CCSER1: variants seen among roughly 807,000 people sequenced by gnomAD.
CCSER1 encodes the protein coiled-coil serine rich protein 1.
In CCSER1, 41 loss-of-function variants were observed where a neutral mutation model predicts 82.0. That is an observed-to-expected ratio of 0.50 (90% CI 0.39 to 0.65). CCSER1 has a LOEUF of 0.65. Among genes scored for constraint, CCSER1 ranks in the 30% least tolerant of loss-of-function variants. The probability of loss-of-function intolerance (pLI) is 0.00; values close to 1 mark genes in which losing one functional copy is unlikely to be tolerated. For synonymous variants in CCSER1, 414 were observed against 383.9 expected (o/e 1.08, Z -0.92); for missense variants, 1,119 against 1,064.2 (o/e 1.05, Z -0.72).
intron 9 of CCSER1, among the ~76,000 whole-genome samples, chr4:91,078,472 G>C (rs1303453771): frequency 1.3e-5 from 2 of 152,194 alleles, no homozygotes; most frequent in Non-Finnish European, 2.9e-5. Flanking sequence ...CAAAGATGTG[G>C]AGAAACCAGA....
chr4:90,707,994 A>G (rs530981837), intron 6 of CCSER1, among the ~76,000 whole-genome samples: 242 of 152,284 alleles, frequency 1.6e-3, no homozygotes, highest in African/African-American at 4.1e-3. Flanking sequence ...CTTTCATTTC[A>G]GTGCTCTATC....
At chr4:90,708,517 T>A (rs566615966) in intron 6 of CCSER1, among the ~76,000 whole-genome samples, 168 of 152,312 alleles carry the variant, frequency 1.1e-3, no homozygotes, top group African/African-American at 4.0e-3. Context: ...GAATAAGTGT[T>A]CCTACCCATC....
intron 6 of CCSER1, among the ~76,000 whole-genome samples, chr4:90,632,702 C>G (rs1489817217): frequency 6.6e-6 from 1 of 152,060 alleles, no homozygotes; most frequent in Non-Finnish European, 1.5e-5. Flanking sequence ...TGGAAAAGCA[C>G]TGGGTTAGGA....
At chr4:91,006,978 T>A (rs1169542476) in intron 9 of CCSER1, among the ~76,000 whole-genome samples, 3 of 152,174 alleles carry the variant, frequency 2.0e-5, no homozygotes, top group Non-Finnish European at 4.4e-5. Context: ...TGAGAGTTTT[T>A]ATCATGAGAA....
chr4:90,287,982 G>A (rs755217781), intron 1 of CCSER1, among the ~76,000 whole-genome samples: 4 of 151,550 alleles, frequency 2.6e-5, no homozygotes, highest in Non-Finnish European at 5.9e-5. Context: ...AAAACCCTGG[G>A]CATTTTTTTA....
At chr4:91,169,391 C>T (rs377348235) in intron 10 of CCSER1, among the ~76,000 whole-genome samples, 25 of 152,130 alleles carry the variant, frequency 1.6e-4, no homozygotes, top group African/African-American at 5.3e-4. Flanking sequence ...GAGGCCGAGG[C>T]GGGTGGATCA....
At chr4:91,217,378 TC>T (rs934546702) in intron 10 of CCSER1, among the ~76,000 whole-genome samples, 27 of 152,210 alleles carry the variant, frequency 1.8e-4, no homozygotes, top group African/African-American at 6.3e-4. Context: ...ATACAAAGGT[TC>T]TCCACCTCCC....
intron 4 of CCSER1, among the ~76,000 whole-genome samples, chr4:90,460,324 CAAAAAA>C (rs751331396): frequency 3.1e-5 from 1 of 32,658 alleles, no homozygotes; most frequent in Non-Finnish European, 5.8e-5. Flanking sequence ...AACTCCGTCT[CAAAAAA>C]AAAAAAAAAA....
chr4:90,497,905 G>C (rs568679935), intron 5 of CCSER1, among the ~76,000 whole-genome samples: 1 of 152,096 alleles, frequency 6.6e-6, no homozygotes, highest in East Asian at 1.9e-4. Flanking sequence ...TCTCATGAGG[G>C]AGTGCAGGAG....
chr4:91,217,716 GT>G, intron 10 of CCSER1, among the ~76,000 whole-genome samples: 1 of 151,966 alleles, frequency 6.6e-6, no homozygotes, highest in Admixed American at 6.5e-5. Flanking sequence ...GCCGATTGGT[GT>G]ATTTACAATC....
chr4:91,392,363 G>GCACACACGCACACACACA (rs58770768), intron 10 of CCSER1, among the ~76,000 whole-genome samples: 1,789 of 148,170 alleles, frequency 0.012, 27 homozygotes, highest in Middle Eastern at 0.024. Context: ...ACCTACACAT[G>GCACACACGCACACACACA]CACACACACA....
chr4:91,314,783 G>T (rs1185868039), intron 10 of CCSER1, among the ~76,000 whole-genome samples: 1 of 151,922 alleles, frequency 6.6e-6, no homozygotes, highest in Non-Finnish European at 1.5e-5. Context: ...GATATCCATT[G>T]TAGGAGCAAT....
Position 90,913,914 on chromosome 4 carries a change from T to G in CCSER1, c.2095-9456T>G, listed in dbSNP as rs190299035. 8.8e-4 allele frequency among the ~76,000 whole-genome samples: 134 copies of G among 152,136 alleles called. 1 individual carries two copies. The highest frequency in any genetic ancestry group is 6.8e-3 in the Middle Eastern group (2 of 294). ...GACAAAGAAGGCCATTACATAATGG[T>G]AAAGGGATCAATTCAACAAGAAGAA... On this transcript the variant is annotated intron_variant, in intron 8 of 10. Transcript: ENST00000509176.
intron 6 of CCSER1, among the ~76,000 whole-genome samples, chr4:90,713,234 G>T: frequency 6.6e-6 from 1 of 151,994 alleles, no homozygotes; most frequent in East Asian, 1.9e-4. Context: ...TAGCTTCTTA[G>T]TGTCACTGGT....
chr4:90,141,896 C>T (rs1252879328), intron 1 of CCSER1, among the ~76,000 whole-genome samples: 1 of 152,168 alleles, frequency 6.6e-6, no homozygotes, highest in African/African-American at 2.4e-5. Flanking sequence ...GTTGACTATG[C>T]ATACATTTAT....
intron 10 of CCSER1, among the ~76,000 whole-genome samples, chr4:91,428,437 T>C (rs1037811516): frequency 1.5e-4 from 23 of 152,140 alleles, no homozygotes; most frequent in African/African-American, 5.3e-4. Context: ...TGCCTTGCTT[T>C]TGGAAAATAA....
chr4:90,215,009 GA>G (rs1740768226), intron 1 of CCSER1, among the ~76,000 whole-genome samples: 1 of 152,152 alleles, frequency 6.6e-6, no homozygotes, highest in African/African-American at 2.4e-5. Flanking sequence ...AGATGAGTAT[GA>G]ATTCTAACAG....
chr4:90,599,487 A>G (rs1579384222), intron 5 of CCSER1, among the ~76,000 whole-genome samples: 1 of 152,182 alleles, frequency 6.6e-6, no homozygotes, highest in South Asian at 2.1e-4. Flanking sequence ...TTTTCTTTAT[A>G]AATTACCCAG....
At chr4:90,439,978 A>C (rs1759614878) in intron 4 of CCSER1, among the ~76,000 whole-genome samples, 1 of 151,920 alleles carries the variant, frequency 6.6e-6, no homozygotes, top group South Asian at 2.1e-4. Context: ...GTACTGGATT[A>C]TATCTTCCTA....
Sources: allele counts gnomAD v4.1 joint callset (sites outside exome capture counted in the v4.1 genomes callset), GRCh38; gene constraint gnomAD v4.1.1; transcripts MANE v1.5; gene names NCBI Gene and HGNC (gene_info 2026-07-23, HGNC 2026-07-21).